The following AGFG1 variants were observed in gnomAD, a reference collection of about 807,000 sequenced individuals.
The protein encoded by AGFG1 is ArfGAP with FG repeats 1.
In AGFG1, 10 loss-of-function variants were observed where a neutral mutation model predicts 60.6. That is an observed-to-expected ratio of 0.16 (90% CI 0.10 to 0.28). AGFG1 has a LOEUF of 0.28. Among genes scored for constraint, AGFG1 ranks in the 10% least tolerant of loss-of-function variants. The probability of loss-of-function intolerance (pLI) is 1.00; values close to 1 mark genes in which losing one functional copy is unlikely to be tolerated. For missense variants in AGFG1, 537 were observed against 676.5 expected (o/e 0.79, Z 2.29); for synonymous variants, 247 against 242.9 (o/e 1.02, Z -0.16).
chr2:227,485,992 G>C (rs1390610834), intron 1 of AGFG1, among the ~76,000 whole-genome samples: 1 of 152,038 alleles, frequency 6.6e-6, no homozygotes, highest in African/African-American at 2.4e-5. Context: ...CTTAATATTT[G>C]GAAATCTTGA....
intron 10 of AGFG1, among the ~76,000 whole-genome samples, chr2:227,540,462 T>A (rs1692457404): frequency 6.6e-6 from 1 of 152,184 alleles, no homozygotes; most frequent in Admixed American, 6.5e-5. Flanking sequence ...TTTCTGTCCT[T>A]GCGATAGTTT....
chr2:227,524,299 T>A (rs1273542722), intron 4 of AGFG1, among the ~76,000 whole-genome samples: 1 of 152,180 alleles, frequency 6.6e-6, no homozygotes, highest in African/African-American at 2.4e-5. Context: ...TACACTTTTC[T>A]AGGAAGGGAT....
chr2:227,527,485 A>G (rs1488811259), intron 5 of AGFG1, among the ~76,000 whole-genome samples: 2 of 152,198 alleles, frequency 1.3e-5, no homozygotes, highest in African/African-American at 4.8e-5. Context: ...AGATTCCACA[A>G]ATGGTTTAGA....
At chr2:227,509,395 G>C (rs909452190) in intron 2 of AGFG1, among the ~76,000 whole-genome samples, 13 of 152,170 alleles carry the variant, frequency 8.5e-5, no homozygotes, top group Middle Eastern at 6.8e-3. Flanking sequence ...GACAGTTAAT[G>C]GATTCTGGAC....
chr2:227,498,675 G>A (rs1209203084), intron 2 of AGFG1, among the ~76,000 whole-genome samples: 2 of 152,192 alleles, frequency 1.3e-5, no homozygotes, highest in Non-Finnish European at 2.9e-5. Context: ...TGTAGAAAAT[G>A]TAGACATGTC....
intron 10 of AGFG1, chr2:227,550,230 G>C (rs1291380057): frequency 3.4e-6 from 1 of 291,494 alleles, no homozygotes; most frequent in Non-Finnish European, 7.1e-6. Context: ...TTAAAATGGA[G>C]TGGGCATGGA....
intron 2 of AGFG1, among the ~76,000 whole-genome samples, chr2:227,496,266 C>A (rs1008425968): frequency 7.9e-5 from 12 of 152,030 alleles, no homozygotes; most frequent in African/African-American, 2.7e-4. Flanking sequence ...AAAACCCATG[C>A]AATAACGTAC....
chr2:227,516,764 T>C (rs1346326717), intron 2 of AGFG1, among the ~76,000 whole-genome samples: 1 of 152,218 alleles, frequency 6.6e-6, no homozygotes, highest in African/African-American at 2.4e-5. Flanking sequence ...TTATTATTTA[T>C]TCATTTATTG....
chr2:227,476,868 A>G lies in AGFG1; in HGVS notation c.167+4280A>G, dbSNP rs1317221369. Among the ~76,000 whole-genome samples the G allele has an allele frequency of 2.0e-5, 3 of 150,724 alleles. No individual in the cohort carries two copies. The East Asian group carries it at 5.8e-4, about 29-fold the overall frequency. On this transcript the variant is annotated intron_variant, in intron 1 of 12. Transcript: ENST00000310078. Reference sequence around the variant, plus strand: ...CCACATTCAGTTAAGTATTTAGAGTAAGTGGCCAAAATATTTTATACTTTC... The same window carrying G: ...CCACATTCAGTTAAGTATTTAGAGTGAGTGGCCAAAATATTTTATACTTTC...
chr2:227,536,517 C>G, intron 8 of AGFG1, 108 bp from the exon 9 acceptor site: 2 of 804,712 alleles, frequency 2.5e-6, no homozygotes, highest in Admixed American at 2.2e-5. Context: ...TGTGTTGATA[C>G]TGATGCTGTG....
intron 1 of AGFG1, among the ~76,000 whole-genome samples, chr2:227,480,430 C>T (rs1393429920): frequency 6.6e-6 from 1 of 151,880 alleles, no homozygotes; most frequent in Non-Finnish European, 1.5e-5. Context: ...GATGGAGTCT[C>T]ACTCCATCTC....
At chr2:227,481,104 T>A (rs1452669028) in intron 1 of AGFG1, among the ~76,000 whole-genome samples, 1 of 28,544 alleles carries the variant, frequency 3.5e-5, no homozygotes, top group Non-Finnish European at 9.2e-5. Flanking sequence ...TTAGGCTTTT[T>A]TTTTTTTTTT....
chr2:227,554,477 A>G lies in AGFG1; in HGVS notation c.1671A>G (p.Ser557=). 1 of 1,613,684 alleles carries G rather than the reference A, an allele frequency of 6.2e-7. No homozygotes were observed. Among genetic ancestry groups the G allele is most frequent in the African/African-American group, 1.3e-5 (1 of 75,012 alleles). ...PTGQFPTGSS[S]TNPFL ...GACAATTTCCAACAGGAAGCTCATC[A>G]ACCAATCCTTTCTTATAGCCTTATA... is the stretch of plus-strand genomic sequence containing the variant. The change falls in exon 13 of 13, where the codon TCA becomes TCG. Residue 557 remains serine (S), a synonymous_variant. Coordinates refer to ENST00000310078, the MANE Select transcript of AGFG1 (RefSeq NM_004504.5).
intron 2 of AGFG1, among the ~76,000 whole-genome samples, chr2:227,502,454 AG>A (rs1691188131): frequency 6.6e-6 from 1 of 151,948 alleles, no homozygotes; most frequent in Admixed American, 6.6e-5. Context: ...CCGAGTAGCT[AG>A]GACCACAAGC....
At chr2:227,477,942 T>C (rs913110726) in intron 1 of AGFG1, among the ~76,000 whole-genome samples, 3 of 152,080 alleles carry the variant, frequency 2.0e-5, no homozygotes, top group Admixed American at 2.0e-4. Flanking sequence ...ATCATAAATG[T>C]TTGTTTTATG....
At position 227,558,364 on chromosome 2, in the gene AGFG1, A is replaced by C. The variant is rs1205106739; in HGVS notation, c.*3869A>C. 1 of 151,976 alleles carries C rather than the reference A, an allele frequency of 6.6e-6. No individual in the cohort carries two copies. The highest frequency in any genetic ancestry group is 1.5e-5 in the Non-Finnish European group (1 of 67,982). The allele number at this position is 151,976 out of a possible 1,614,324, so 9.4% of individuals were successfully genotyped here. On this transcript the variant is annotated 3_prime_UTR_variant, in exon 13 of 13. Coordinates refer to ENST00000310078, the MANE Select transcript of AGFG1 (RefSeq NM_004504.5). ...TTTAATCACTTGAATTCCTTTCATA[A>C]TTTGATGAAATCAGTACAGTTTATT...
chr2:227,498,710 G>C (rs559117608), intron 2 of AGFG1, among the ~76,000 whole-genome samples: 1 of 152,154 alleles, frequency 6.6e-6, no homozygotes, highest in Non-Finnish European at 1.5e-5. Context: ...ATCATAATCC[G>C]TGGGTCTTTT....
At chr2:227,507,783 T>C (rs1691370643) in intron 2 of AGFG1, among the ~76,000 whole-genome samples, 1 of 152,128 alleles carries the variant, frequency 6.6e-6, no homozygotes, top group Non-Finnish European at 1.5e-5. Context: ...TGGTCTTCAA[T>C]ATTGAACTCT....
chr2:227,499,501 G>A (rs148222657), intron 2 of AGFG1, among the ~76,000 whole-genome samples: 7,944 of 152,106 alleles, frequency 0.052, 233 homozygotes, highest in Middle Eastern at 0.12. Flanking sequence ...TTTGCTGGGC[G>A]TGGTGGCGTG....
Sources: gnomAD v4.1 joint callset for allele counts (sites outside exome capture counted in the v4.1 genomes callset) on GRCh38, gnomAD v4.1.1 for gene constraint, MANE v1.5 for transcripts, NCBI Gene and HGNC (gene_info 2026-07-23, HGNC 2026-07-21) for gene names.